Variants in NTN1 observed in about 807,000 individuals in gnomAD.
The protein encoded by NTN1 is netrin 1.
NTN1 carries 11 observed loss-of-function variants against 54.2 expected under a neutral mutation model. The ratio of observed to expected loss-of-function variants is 0.20; its 90% CI spans 0.13 to 0.34. NTN1 has a LOEUF of 0.34. Ranked by LOEUF, NTN1 falls within the 10% of genes least tolerant of loss-of-function variation. The pLI is 1.00. For synonymous variants in NTN1, 371 were observed against 382.0 expected (o/e 0.97, Z 0.33); for missense variants, 740 against 893.1 (o/e 0.83, Z 2.18).
chr17:9,021,499 C>A (rs1318452295), upstream of NTN1: 7 of 152,024 alleles, frequency 4.6e-5, no homozygotes, highest in African/African-American at 1.7e-4. Flanking sequence ...CCGCGCTCCC[C>A]TCCGCCCCTC....
In NTN1 at chr17:9,192,950, C is replaced by T. The variant is rs61339606; in HGVS notation, c.1411+9981C>T. On this transcript the variant is annotated intron_variant, in intron 5 of 6. Transcript: ENST00000173229. ...AAAAAATTAGCTGGGCATGGTGGCA[C>T]GCGCCTGTAGTCCCAGCTACGCAGG... is the stretch of plus-strand genomic sequence containing the variant. Among the ~76,000 whole-genome samples, 936 of 152,074 alleles carry T rather than the reference C, an allele frequency of 6.2e-3. 10 individuals carry two copies. Among genetic ancestry groups the T allele is most frequent in the African/African-American group, 0.017 (717 of 41,474 alleles).
intron 2 of NTN1, among the ~76,000 whole-genome samples, chr17:9,031,750 G>T (rs957491057): frequency 5.3e-5 from 8 of 152,016 alleles, no homozygotes; most frequent in Non-Finnish European, 1.2e-4. Context: ...TTCGAGACCA[G>T]CCTGGCCAAC....
At chr17:9,014,223 G>A in the NTN1 span, among the ~76,000 whole-genome samples, 1 of 152,152 alleles carries the variant, frequency 6.6e-6, no homozygotes, top group African/African-American at 2.4e-5. Context: ...TCCTGTCCAG[G>A]GACCTGGGAT....
intron 2 of NTN1, among the ~76,000 whole-genome samples, chr17:9,081,464 C>A (rs975631358): frequency 2.6e-5 from 4 of 152,160 alleles, no homozygotes; most frequent in Non-Finnish European, 5.9e-5. Context: ...TGTTTCATTC[C>A]ATTTATCACC....
At chr17:9,040,263 A>G (rs568667081) in intron 2 of NTN1, among the ~76,000 whole-genome samples, 1 of 152,134 alleles carries the variant, frequency 6.6e-6, no homozygotes, top group Non-Finnish European at 1.5e-5. Flanking sequence ...ACATTTATTT[A>G]TGTCTTCTTT....
chr17:9,091,454 CT>C (rs56181757), intron 2 of NTN1, among the ~76,000 whole-genome samples: 283 of 135,310 alleles, frequency 2.1e-3, no homozygotes, highest in African/African-American at 5.3e-3. Context: ...AACCCCCCGC[CT>C]TTTTTTTTTT....
chr17:9,028,450 C>T lies in NTN1; in HGVS notation c.1018+5059C>T, dbSNP rs565837809. Among the ~76,000 whole-genome samples, 18 of 152,258 alleles carry T rather than the reference C, an allele frequency of 1.2e-4. No individual in the cohort carries two copies. In the East Asian group the frequency reaches 2.5e-3, roughly 21 times the overall value. Reference sequence around the variant, plus strand: ...TCCACCCAGAGCAGGGAGGCAGGTTCGTCAGGGGAAACCTTCTGGGGTGGG... The same window carrying T: ...TCCACCCAGAGCAGGGAGGCAGGTTTGTCAGGGGAAACCTTCTGGGGTGGG... On this transcript the variant is annotated intron_variant, in intron 2 of 6. Transcript: ENST00000173229.
At chr17:9,016,546 C>G (rs1597459091), upstream of NTN1, among the ~76,000 whole-genome samples, 1 of 152,180 alleles carries the variant, frequency 6.6e-6, no homozygotes, top group South Asian at 2.1e-4. Context: ...AAATTAGGGG[C>G]AACTAGGCAA....
chr17:9,226,289 C>T lies in NTN1; in HGVS notation c.1486+5047C>T, dbSNP rs905589533. Among the ~76,000 whole-genome samples the T allele has an allele frequency of 7.9e-5, 12 of 152,138 alleles. No individual in the cohort carries two copies. In the East Asian group the frequency reaches 1.2e-3, roughly 15 times the overall value. ...GACTGTGGACAGGGAGCTTCGCCGC[C>T]GGGGCCTCGGTTTCCTCATCTGTCA... On this transcript the variant is annotated intron_variant, in intron 6 of 6. Transcript: ENST00000173229.
intron 2 of NTN1, among the ~76,000 whole-genome samples, chr17:9,029,876 C>T (rs1413888364): frequency 1.3e-5 from 2 of 151,920 alleles, no homozygotes; most frequent in African/African-American, 2.4e-5. Flanking sequence ...CCTGTAATCC[C>T]AGCTACTTGG....
In NTN1 at chr17:9,026,391, CG is replaced by C. The variant is rs34098463; in HGVS notation, c.1018+3010del. Among the ~76,000 whole-genome samples, 129 of 137,880 alleles carry C rather than the reference CG, an allele frequency of 9.4e-4. 1 individual carries two copies. In the East Asian group the frequency reaches 0.015, roughly 16 times the overall value. The allele number at this position is 137,880 out of a possible 152,430, so 90.5% of individuals were successfully genotyped here. The stretch of plus-strand genomic sequence containing the variant: ...TTTAAATGCAGTTTTGGATTTCTTC[CG>C]GGGGGGGGGAACAAACAACCCTCAA... On this transcript the variant is annotated intron_variant, in intron 2 of 6. Transcript: ENST00000173229.
chr17:9,037,057 A>G (rs2091905750), intron 2 of NTN1, among the ~76,000 whole-genome samples: 1 of 152,198 alleles, frequency 6.6e-6, no homozygotes, highest in Admixed American at 6.5e-5. Flanking sequence ...GAATTTTCAC[A>G]AAGTGAGCTC....
intron 2 of NTN1, among the ~76,000 whole-genome samples, chr17:9,126,748 GCA>G (rs1409622735): frequency 1.3e-5 from 2 of 152,104 alleles, no homozygotes; most frequent in Non-Finnish European, 2.9e-5. Context: ...GCGGAGTCAA[GCA>G]CAGATAGAGG....
intron 5 of NTN1, among the ~76,000 whole-genome samples, chr17:9,208,555 T>C (rs1905025494): frequency 6.6e-6 from 1 of 152,122 alleles, no homozygotes; most frequent in Non-Finnish European, 1.5e-5. Context: ...CTGGAGGTTT[T>C]CTTGTGCCTG....
intron 2 of NTN1, among the ~76,000 whole-genome samples, chr17:9,048,003 G>A (rs755242733): frequency 1.1e-4 from 17 of 152,070 alleles, no homozygotes; most frequent in African/African-American, 4.1e-4. Flanking sequence ...GCTGAATCAC[G>A]AGTTTTCTTA....
At chr17:9,025,356 C>T (rs1319819819) in intron 2 of NTN1, among the ~76,000 whole-genome samples, 4 of 152,112 alleles carry the variant, frequency 2.6e-5, no homozygotes, top group Admixed American at 6.5e-5. Flanking sequence ...ATTGGATTGA[C>T]CTTTTTTTTT....
At chr17:9,009,989 CCTT>C in the NTN1 span, among the ~76,000 whole-genome samples, 2 of 152,206 alleles carry the variant, frequency 1.3e-5, no homozygotes, top group African/African-American at 4.8e-5. Flanking sequence ...CCGCCTCTGT[CCTT>C]CTCTAACTCT....
chr17:9,187,398 A>T (rs953416426), intron 5 of NTN1, among the ~76,000 whole-genome samples: 1 of 152,204 alleles, frequency 6.6e-6, no homozygotes, highest in Non-Finnish European at 1.5e-5. Context: ...GAAACCAGTT[A>T]AAGGTCAAGA....
intron 3 of NTN1, among the ~76,000 whole-genome samples, chr17:9,163,938 G>T (rs1302968464): frequency 6.6e-6 from 1 of 152,226 alleles, no homozygotes; most frequent in Non-Finnish European, 1.5e-5. Flanking sequence ...CCTCGGCATG[G>T]GTGGGGTCCT....
Sources: gnomAD v4.1 joint callset for allele counts (sites outside exome capture counted in the v4.1 genomes callset) on GRCh38, gnomAD v4.1.1 for gene constraint, MANE v1.5 for transcripts, NCBI Gene and HGNC (gene_info 2026-07-23, HGNC 2026-07-21) for gene names.